Variants in FNDC1 observed in about 807,000 individuals in gnomAD.
FNDC1 encodes fibronectin type III domain containing 1, also known as fibronectin type III domain-containing protein 1.
Under a neutral mutation model 168.0 loss-of-function variants are expected in FNDC1, and 96 were observed. The ratio of observed to expected loss-of-function variants is 0.57; its 90% CI spans 0.48 to 0.68. The LOEUF is 0.68. Among genes scored for constraint, FNDC1 ranks in the 30% least tolerant of loss-of-function variants. FNDC1 has a pLI of 0.00. For missense variants in FNDC1, 2,587 were observed against 2,482.1 expected (o/e 1.04, Z -0.90); for synonymous variants, 1,099 against 1,025.9 (o/e 1.07, Z -1.36).
intron 4 of FNDC1, among the ~76,000 whole-genome samples, chr6:159,209,598 C>G (rs2114960744): frequency 6.6e-6 from 1 of 152,264 alleles, no homozygotes; most frequent in East Asian, 1.9e-4. Flanking sequence ...AGGCAGGAAG[C>G]CAGAGTCTCT....
At chr6:159,171,839 TTTC>T (rs1252455658) in intron 1 of FNDC1, among the ~76,000 whole-genome samples, 7 of 152,362 alleles carry the variant, frequency 4.6e-5, no homozygotes, top group African/African-American at 1.7e-4. Context: ...TGATTTTTAT[TTTC>T]TTCTTTAAAG....
intron 12 of FNDC1, among the ~76,000 whole-genome samples, chr6:159,236,980 T>G (rs139584441): frequency 1.3e-5 from 2 of 152,234 alleles, no homozygotes; most frequent in African/African-American, 4.8e-5. Flanking sequence ...TTTCTAAGAA[T>G]AAAAAAATTA....
chr6:159,169,764 C>T lies in FNDC1; in HGVS notation c.109+59C>T. ...AGCTCCCCGCGCACCCTCCTGCGCT[C>T]GGGCCCCGTCGTCCCGCTCAGTGCT... On this transcript the variant is annotated intron_variant, in intron 1 of 22. Transcript: ENST00000297267. The surrounding 1 kb of genome is among the most constrained non-coding windows in gnomAD (Gnocchi z 6.8). 2 of 646,644 alleles carry T rather than the reference C, an allele frequency of 3.1e-6. No individual in the cohort carries two copies. The highest frequency in any genetic ancestry group is 4.1e-6 in the Non-Finnish European group (2 of 483,730). The allele number at this position is 646,644 out of a possible 1,614,324, so 40.1% of individuals were successfully genotyped here.
intron 4 of FNDC1, among the ~76,000 whole-genome samples, chr6:159,210,361 T>C (rs1336544819): frequency 6.6e-6 from 1 of 152,202 alleles, no homozygotes; most frequent in Non-Finnish European, 1.5e-5. Flanking sequence ...TTTTGAGATG[T>C]TCCCTTAGCC....
Position 159,266,172 on chromosome 6 carries a change from G to T in FNDC1, c.5373G>T (p.Trp1791Cys), listed in dbSNP as rs909953942. The T allele has an allele frequency of 1.9e-6, 3 of 1,614,002 alleles. No individual in the cohort carries two copies. The highest frequency in any genetic ancestry group is 2.5e-6 in the Non-Finnish European group (3 of 1,179,874). ...CHGRQYVKRT[W>C]YRKFVGVVLC... ...GACGGCAATATGTGAAGCGCACGTG[G>T]TATCGAAAGTTCGTGGGAGTTGTTC... is the stretch of plus-strand genomic sequence containing the variant. The change falls in exon 21 of 23, where the codon TGG becomes TGT. Residue 1791 changes from tryptophan to cysteine, a missense_variant. Transcript: ENST00000297267.
intron 4 of FNDC1, among the ~76,000 whole-genome samples, chr6:159,210,065 C>G (rs1416774352): frequency 6.6e-6 from 1 of 152,234 alleles, no homozygotes; most frequent in Non-Finnish European, 1.5e-5. Context: ...CTCTGAAGAG[C>G]AGTCGGGTCC....
At chr6:159,251,278 T>G in intron 16 of FNDC1, 24 bp from the exon 17 acceptor site, 3 of 1,574,646 alleles carry the variant, frequency 1.9e-6, no homozygotes, top group African/African-American at 1.3e-5. Context: ...AGCAATCCAA[T>G]TGGTTATCTC....
At chr6:159,199,915 T>C (rs1782336307) in intron 2 of FNDC1, 81 bp from the exon 3 acceptor site, 1 of 1,165,966 alleles carries the variant, frequency 8.6e-7, no homozygotes, top group South Asian at 1.3e-5. Flanking sequence ...ATAAGGAAGA[T>C]GGTTATGCAT....
chr6:159,232,484 C>T lies in FNDC1; in HGVS notation c.1972C>T (p.His658Tyr). The T allele has an allele frequency of 1.9e-6, 3 of 1,612,444 alleles. No homozygotes were observed. The highest frequency in any genetic ancestry group is 8.5e-7 in the Non-Finnish European group (1 of 1,179,236). Residue 658 changes from histidine to tyrosine, a missense_variant, in exon 11 of 23, where the codon CAC (histidine) becomes TAC (tyrosine). By Grantham distance (83) the His-to-Tyr change is moderately conservative (BLOSUM62 2). Transcript: ENST00000297267. The surrounding 1 kb of genome is among the most constrained non-coding windows in gnomAD (Gnocchi z 4.9). Reference protein sequence around the residue: ...DEDERAVGSLHPKGAFAQPRP... With the variant: ...DEDERAVGSLYPKGAFAQPRP... ...AGATGAGCGCGCTGTGGGCTCCCTC[C>T]ACCCCAAGGGCGCCTTCGCCCAGCC...
chr6:159,197,385 C>T (rs768369256), intron 1 of FNDC1, 46 bp from the exon 2 acceptor site: 17 of 1,531,174 alleles, frequency 1.1e-5, no homozygotes, highest in Non-Finnish European at 1.4e-5. Flanking sequence ...AATTCGTTTT[C>T]CCAATCTGTT....
At chr6:159,266,560 C>A (rs1385005472) in intron 21 of FNDC1, among the ~76,000 whole-genome samples, 1 of 151,940 alleles carries the variant, frequency 6.6e-6, no homozygotes, top group Non-Finnish European at 1.5e-5. Flanking sequence ...GCTTGGCCAA[C>A]ATGGTGAAAC....
rs146415461 is a variant in FNDC1, at chr6:159,226,021, G to C, written c.1072+299G>C. On this transcript the variant is annotated intron_variant, in intron 8 of 22. Coordinates refer to ENST00000297267, the MANE Select transcript of FNDC1 (RefSeq NM_032532.3). ...GCATGCATCAGTCACCATTGTGTGC[G>C]TGAATGCCCCCAGGTGATGGATGGC... 8.5e-4 allele frequency among the ~76,000 whole-genome samples: 129 copies of C among 152,260 alleles called. 2 individuals are homozygous for C. In the East Asian group the frequency reaches 0.014, roughly 17 times the overall value.
At chr6:159,234,949 A>G (rs1270037542) in intron 11 of FNDC1, among the ~76,000 whole-genome samples, 1 of 152,232 alleles carries the variant, frequency 6.6e-6, no homozygotes, top group Non-Finnish European at 1.5e-5. Flanking sequence ...GGTTAGATAC[A>G]TATGTAGGCT....
At chr6:159,186,671 A>T (rs751436492) in intron 1 of FNDC1, among the ~76,000 whole-genome samples, 3 of 152,172 alleles carry the variant, frequency 2.0e-5, no homozygotes, top group Admixed American at 2.0e-4. Flanking sequence ...TGTGAGGATC[A>T]CTCTGACATG....
At chr6:159,252,106 C>A (rs1583912997) in intron 17 of FNDC1, among the ~76,000 whole-genome samples, 1 of 152,192 alleles carries the variant, frequency 6.6e-6, no homozygotes, top group South Asian at 2.1e-4. Flanking sequence ...GGATCTTGAG[C>A]CTCCTTGGCC....
intron 19 of FNDC1, among the ~76,000 whole-genome samples, chr6:159,264,344 C>G (rs79443588): frequency 5.9e-5 from 9 of 152,322 alleles, no homozygotes; most frequent in African/African-American, 1.7e-4. Flanking sequence ...ACAGTATGAA[C>G]TCCTTTGACT....
intron 4 of FNDC1, among the ~76,000 whole-genome samples, chr6:159,206,566 T>C (rs536210152): frequency 6.6e-6 from 1 of 152,194 alleles, no homozygotes; most frequent in South Asian, 2.1e-4. Flanking sequence ...TTGACAAGAG[T>C]GTTGACAACA....
chr6:159,173,740 T>C (rs1040359527), intron 1 of FNDC1, among the ~76,000 whole-genome samples: 1 of 152,248 alleles, frequency 6.6e-6, no homozygotes, highest in Admixed American at 6.5e-5. Context: ...TTATGATCTT[T>C]ATTATAGTTA....
chr6:159,234,118 G>T lies in FNDC1; in HGVS notation c.3606G>T (p.Lys1202Asn). 1 of 1,606,284 alleles carries T rather than the reference G, an allele frequency of 6.2e-7. No individual in the cohort carries two copies. Residue 1202 changes from lysine to asparagine, a missense_variant, in exon 11 of 23, where the codon AAG becomes AAT. Coordinates refer to ENST00000297267, the MANE Select transcript of FNDC1 (RefSeq NM_032532.3). ...KEDLLSSSVP[K>N]WPSSSTPRGG... ...ACCTTCTGTCTTCCTCTGTGCCAAA[G>T]TGGCCCTCTTCCTCCACTCCCAGGG...
Sources: gnomAD v4.1 joint callset for allele counts (sites outside exome capture counted in the v4.1 genomes callset) on GRCh38, gnomAD v4.1.1 for gene constraint, Gnocchi (gnomAD v3.1) non-coding constraint, MANE v1.5 for transcripts, NCBI Gene and HGNC (gene_info 2026-07-23, HGNC 2026-07-21) for gene names.